NOL4: variants seen among roughly 807,000 people sequenced by gnomAD.
The protein encoded by NOL4 is cancer/testis antigen 125.
NOL4 carries 17 observed loss-of-function variants against 75.9 expected under a neutral mutation model. The observed-to-expected ratio is 0.22, with a 90% CI of 0.15 to 0.34. The LOEUF is 0.34. Ranked by LOEUF, NOL4 falls within the 10% of genes least tolerant of loss-of-function variation. The probability of loss-of-function intolerance (pLI) is 1.00; values close to 1 mark genes in which losing one functional copy is unlikely to be tolerated. For synonymous variants in NOL4, 292 were observed against 289.9 expected, an observed-to-expected ratio of 1.01 and a Z score of -0.07; for missense variants, 614 against 793.5, an observed-to-expected ratio of 0.77 and a Z score of 2.72.
chr18:33,907,248 G>T (rs1038832582), intron 9 of NOL4, among the ~76,000 whole-genome samples: 9 of 149,742 alleles, frequency 6.0e-5, no homozygotes, highest in African/African-American at 2.2e-4. Flanking sequence ...GCATGAACCT[G>T]GGAGGTGGAG....
chr18:34,178,063 A>T (rs2033706818), intron 1 of NOL4, among the ~76,000 whole-genome samples: 1 of 151,852 alleles, frequency 6.6e-6, no homozygotes. Flanking sequence ...CCTTGTGTTG[A>T]TGGACAAACA....
chr18:34,187,294 T>C (rs2034538237), intron 1 of NOL4, among the ~76,000 whole-genome samples: 1 of 152,058 alleles, frequency 6.6e-6, no homozygotes, highest in African/African-American at 2.4e-5. Context: ...ATGTAACCTT[T>C]TCAGATTGGA....
At chr18:33,995,247 A>G (rs1020698497) in intron 6 of NOL4, among the ~76,000 whole-genome samples, 1 of 151,632 alleles carries the variant, frequency 6.6e-6, no homozygotes, top group Non-Finnish European at 1.5e-5. Flanking sequence ...AACAGTTGCC[A>G]ACTTTATGTA....
At chr18:33,853,793 A>G (rs925045152) in intron 10 of NOL4, among the ~76,000 whole-genome samples, 11 of 152,100 alleles carry the variant, frequency 7.2e-5, no homozygotes, top group African/African-American at 2.7e-4. Flanking sequence ...TATTTGCACA[A>G]AACACATTCA....
chr18:34,071,899 T>C (rs914247149), intron 5 of NOL4, among the ~76,000 whole-genome samples: 2 of 152,102 alleles, frequency 1.3e-5, no homozygotes, highest in African/African-American at 4.8e-5. Flanking sequence ...TATGATAACC[T>C]ACAGAGCTAT....
intron 5 of NOL4, among the ~76,000 whole-genome samples, chr18:34,077,302 T>C (rs1023007893): frequency 6.6e-6 from 1 of 151,976 alleles, no homozygotes; most frequent in African/African-American, 2.4e-5. Flanking sequence ...AGTGAGACTG[T>C]CTCAAAAAAC....
At position 34,104,968 on chromosome 18, in the gene NOL4, A is replaced by T. The variant is rs1047369719; in HGVS notation, c.526+81T>A. 5 of 863,616 alleles carry T rather than the reference A, an allele frequency of 5.8e-6. No individual in the cohort carries two copies. In the Admixed American group the frequency reaches 7.6e-5, roughly 13 times the overall value. The allele number at this position is 863,616 out of a possible 1,614,324, so 53.5% of individuals were successfully genotyped here. On this transcript the variant is annotated intron_variant, in intron 3 of 10. Coordinates refer to ENST00000261592, the MANE Select transcript of NOL4 (RefSeq NM_003787.5). ...ACTTGTTGAACTGTTTCAGTCTACCACGTTTTTATAAAAATGTGAGATACA... is the reference window on the plus strand; with the variant it reads ...ACTTGTTGAACTGTTTCAGTCTACCTCGTTTTTATAAAAATGTGAGATACA...
intron 8 of NOL4, among the ~76,000 whole-genome samples, chr18:33,945,730 A>G (rs1287453268): frequency 6.6e-6 from 1 of 151,784 alleles, no homozygotes; most frequent in Non-Finnish European, 1.5e-5. Flanking sequence ...AAGTAGAATC[A>G]AAGATGCATG....
chr18:34,130,382 A>G (rs2080583292), intron 1 of NOL4, among the ~76,000 whole-genome samples: 1 of 152,016 alleles, frequency 6.6e-6, no homozygotes, highest in African/African-American at 2.4e-5. Flanking sequence ...AATTCTAGAT[A>G]TTTATTAATT....
At chr18:34,055,204 T>G (rs2076786041) in intron 5 of NOL4, among the ~76,000 whole-genome samples, 1 of 151,922 alleles carries the variant, frequency 6.6e-6, no homozygotes, top group Non-Finnish European at 1.5e-5. Context: ...TAATACTAGT[T>G]CCTATATGTG....
chr18:34,151,920 C>G (rs997730806), intron 1 of NOL4, among the ~76,000 whole-genome samples: 4 of 151,626 alleles, frequency 2.6e-5, no homozygotes, highest in African/African-American at 9.7e-5. Flanking sequence ...CTGTCCTGTG[C>G]GGCAACAGAG....
In NOL4 at chr18:34,196,549, TAGATGTTCAC is replaced by T. The variant is rs1280984798; in HGVS notation, c.264+26431_264+26440del. Among the ~76,000 whole-genome samples, 9 of 152,266 alleles carry T rather than the reference TAGATGTTCAC, an allele frequency of 5.9e-5. No individual in the cohort carries two copies. In the South Asian group the frequency reaches 1.9e-3, roughly 32 times the overall value. On this transcript the variant is annotated intron_variant, in intron 1 of 10. Transcript: ENST00000261592. ...TTGTCAGTAGAACATGAATTTTGAT[TAGATGTTCAC>T]AGCAGGGATTTGGGGGCCCTCAAGC...
At chr18:33,979,849 T>C (rs895571339) in intron 6 of NOL4, among the ~76,000 whole-genome samples, 2 of 152,106 alleles carry the variant, frequency 1.3e-5, no homozygotes, top group Non-Finnish European at 2.9e-5. Context: ...GAAAGGGAAC[T>C]GTCGGCTCAT....
intron 5 of NOL4, among the ~76,000 whole-genome samples, chr18:34,085,650 T>C (rs778245097): frequency 2.2e-4 from 33 of 152,112 alleles, no homozygotes; most frequent in Non-Finnish European, 4.1e-4. Context: ...GAGTAAAGTA[T>C]TGAAAGGCAG....
intron 9 of NOL4, among the ~76,000 whole-genome samples, chr18:33,888,385 T>C (rs957109797): frequency 6.6e-6 from 1 of 152,020 alleles, no homozygotes; most frequent in Non-Finnish European, 1.5e-5. Flanking sequence ...TCACTCTGAT[T>C]ATAGTTTCTT....
intron 6 of NOL4, among the ~76,000 whole-genome samples, chr18:33,985,883 A>G (rs1252452541): frequency 5.9e-5 from 9 of 152,106 alleles, no homozygotes; most frequent in Non-Finnish European, 1.5e-5. Flanking sequence ...GCCGAGAGTA[A>G]TCAAAGAGCC....
At chr18:34,003,100 GTTAC>G (rs1255697819) in intron 6 of NOL4, among the ~76,000 whole-genome samples, 2 of 151,940 alleles carry the variant, frequency 1.3e-5, no homozygotes, top group African/African-American at 2.4e-5. Flanking sequence ...TGTTATTTTT[GTTAC>G]TTACGTGAGC....
chr18:34,114,242 T>C (rs948405516), intron 2 of NOL4, among the ~76,000 whole-genome samples: 2 of 152,220 alleles, frequency 1.3e-5, no homozygotes, highest in African/African-American at 4.8e-5. Context: ...GGTGAGAACA[T>C]GTTTCACTTG....
At chr18:34,045,216 C>T (rs1485757953) in intron 5 of NOL4, among the ~76,000 whole-genome samples, 1 of 152,070 alleles carries the variant, frequency 6.6e-6, no homozygotes, top group African/African-American at 2.4e-5. Flanking sequence ...TGCCGTGAGC[C>T]TGGGCTGTCA....
Sources: allele counts gnomAD v4.1 joint callset (sites outside exome capture counted in the v4.1 genomes callset), GRCh38; gene constraint gnomAD v4.1.1; transcripts MANE v1.5; gene names NCBI Gene and HGNC (gene_info 2026-07-23, HGNC 2026-07-21).